The following APBB2 variants were observed in gnomAD, a reference collection of about 807,000 sequenced individuals.
APBB2 encodes the protein amyloid beta precursor protein binding family B member 2.
APBB2 carries 38 observed loss-of-function variants against 82.5 expected under a neutral mutation model. That is an observed-to-expected ratio of 0.46 (90% CI 0.36 to 0.60). The LOEUF is 0.60. Ranked by LOEUF, APBB2 falls within the 20% of genes least tolerant of loss-of-function variation. The pLI, the probability that APBB2 is intolerant of heterozygous loss-of-function variation, is 0.00. For synonymous variants in APBB2, 341 were observed against 368.2 expected (o/e 0.93, Z 0.85); for missense variants, 772 against 972.3 (o/e 0.79, Z 2.74).
chr4:40,918,701 ACTTC>A (rs528200967), intron 10 of APBB2, among the ~76,000 whole-genome samples: 52 of 142,316 alleles, frequency 3.7e-4, no homozygotes, highest in African/African-American at 5.3e-4. Flanking sequence ...CTTTCGGACG[ACTTC>A]CTTCCTTCCT....
At chr4:41,097,511 T>C (rs1743914354) in intron 3 of APBB2, among the ~76,000 whole-genome samples, 1 of 152,234 alleles carries the variant, frequency 6.6e-6, no homozygotes, top group Non-Finnish European at 1.5e-5. Context: ...AAAGTGATGC[T>C]GTAGGTAAAT....
intron 17 of APBB2, 122 bp downstream of exon 17, chr4:40,821,744 ATAAAG>A: frequency 2.8e-6 from 3 of 1,084,180 alleles, no homozygotes; most frequent in Non-Finnish European, 3.9e-6. Flanking sequence ...TGACGGCGTT[ATAAAG>A]TAAAGCATTA....
At chr4:41,083,721 T>C (rs1445623100) in intron 3 of APBB2, among the ~76,000 whole-genome samples, 1 of 147,600 alleles carries the variant, frequency 6.8e-6, no homozygotes, top group Non-Finnish European at 1.5e-5. Context: ...AAAAGTTTCA[T>C]TGCCATTTAT....
chr4:41,195,759 C>T, intron 1 of APBB2, among the ~76,000 whole-genome samples: 3 of 152,116 alleles, frequency 2.0e-5, no homozygotes, highest in Non-Finnish European at 2.9e-5. Context: ...CCTCACTGAT[C>T]CCATTCCCAC....
intron 12 of APBB2, among the ~76,000 whole-genome samples, chr4:40,854,763 T>C (rs1401288257): frequency 1.5e-5 from 2 of 133,842 alleles, no homozygotes; most frequent in Non-Finnish European, 3.1e-5. Context: ...CACTCCAGCC[T>C]GGGCGATAAG....
chr4:40,936,475 T>C lies in APBB2; in HGVS notation c.1045-1336A>G, dbSNP rs565887150. ...TTCCATTATGCTACCCAGGCTGGTC[T>C]TGAACTCCTGAGCTCAAGTGATCCT... On this transcript the variant is annotated intron_variant, in intron 7 of 17. Coordinates refer to ENST00000508593, the MANE Select transcript of APBB2 (RefSeq NM_004307.2). Among the ~76,000 whole-genome samples the C allele has an allele frequency of 1.3e-5, 2 of 152,334 alleles. 1 individual carries two copies. Among genetic ancestry groups the C allele is most frequent in the African/African-American group, 4.8e-5 (2 of 41,566 alleles).
intron 1 of APBB2, among the ~76,000 whole-genome samples, chr4:41,158,718 G>A (rs1291189555): frequency 1.3e-5 from 2 of 152,160 alleles, no homozygotes; most frequent in Non-Finnish European, 2.9e-5. Context: ...TCTTTTAGCA[G>A]GATTTTTTTT....
chr4:40,896,725 G>T (rs1773775334), intron 10 of APBB2, among the ~76,000 whole-genome samples: 1 of 152,122 alleles, frequency 6.6e-6, no homozygotes, highest in Non-Finnish European at 1.5e-5. Context: ...TGTCATTCTG[G>T]CAAAATTATT....
chr4:40,877,502 AG>A (rs749445857), intron 12 of APBB2, among the ~76,000 whole-genome samples: 8 of 152,192 alleles, frequency 5.3e-5, no homozygotes, highest in Admixed American at 2.0e-4. Flanking sequence ...CCAGGGTCAG[AG>A]GGGATCAGAT....
chr4:40,857,973 C>T (rs773571102), intron 12 of APBB2, among the ~76,000 whole-genome samples: 2 of 152,168 alleles, frequency 1.3e-5, no homozygotes, highest in Non-Finnish European at 2.9e-5. Context: ...TACAGATCAT[C>T]TGCCAATTTA....
chr4:41,169,938 T>G (rs987578413), intron 1 of APBB2, among the ~76,000 whole-genome samples: 1 of 152,172 alleles, frequency 6.6e-6, no homozygotes, highest in Non-Finnish European at 1.5e-5. Context: ...AGAAAAATGT[T>G]GAGTAGTTTC....
intron 2 of APBB2, among the ~76,000 whole-genome samples, chr4:41,116,292 G>T (rs1750952795): frequency 6.6e-6 from 1 of 152,116 alleles, no homozygotes; most frequent in African/African-American, 2.4e-5. Context: ...GGGAGAGGAA[G>T]ATCACACACC....
intron 2 of APBB2, among the ~76,000 whole-genome samples, chr4:41,113,570 T>C (rs1323457659): frequency 1.3e-5 from 2 of 152,188 alleles, no homozygotes; most frequent in African/African-American, 4.8e-5. Context: ...GATGACATGA[T>C]TGTGTATTTA....
chr4:41,014,252 T>G lies in APBB2; in HGVS notation c.166A>C (p.Thr56Pro). ...NELLNAEIKH[T>P]ETKNSTPPKC... is the part of the protein sequence containing the mutation. ...GGAGGTGTGCTGTTCTTGGTTTCTGTGTGTTTTATTTCAGCGTTCAACAGT... is the reference window on the plus strand; with the variant it reads ...GGAGGTGTGCTGTTCTTGGTTTCTGGGTGTTTTATTTCAGCGTTCAACAGT... Residue 56 changes from threonine (T) to proline (P), a missense_variant, in exon 6 of 18, where the codon ACA becomes CCA. Coordinates refer to ENST00000508593, the MANE Select transcript of APBB2 (RefSeq NM_004307.2). 6.2e-7 allele frequency: 1 copy of G among 1,614,204 alleles called. No individual in the cohort carries two copies.
intron 1 of APBB2, among the ~76,000 whole-genome samples, chr4:41,203,789 T>C (rs960915539): frequency 1.3e-5 from 2 of 152,186 alleles, no homozygotes; most frequent in African/African-American, 4.8e-5. Context: ...TCCAGCTCCA[T>C]CAATCCTCTC....
In APBB2 at chr4:40,816,266, TA is replaced by T; in HGVS notation, c.2113-8del. ...AGCACTTCTGATATCGTAACTGAAA[TA>T]AAACAAAACGTGTTTTAAGGTAATT... On this transcript the variant is annotated splice_polypyrimidine_tract_variant and splice_region_variant and intron_variant, in intron 17 of 17. Coordinates refer to ENST00000508593, the MANE Select transcript of APBB2 (RefSeq NM_004307.2). 6.2e-7 allele frequency: 1 copy of T among 1,614,156 alleles called. No individual in the cohort carries two copies. Among genetic ancestry groups the T allele is most frequent in the Non-Finnish European group, 8.5e-7 (1 of 1,180,014 alleles).
chr4:40,977,242 T>C (rs1324439048), intron 6 of APBB2, among the ~76,000 whole-genome samples: 1 of 152,072 alleles, frequency 6.6e-6, no homozygotes, highest in Non-Finnish European at 1.5e-5. Context: ...CATGGAAGCA[T>C]GTAGGTGTCT....
At chr4:41,212,975 C>T (rs887475920) in intron 1 of APBB2, among the ~76,000 whole-genome samples, 2 of 152,090 alleles carry the variant, frequency 1.3e-5, no homozygotes, top group African/African-American at 4.8e-5. Flanking sequence ...ATGAAGAAAT[C>T]CCCTTTCAAG....
At chr4:41,019,295 G>C (rs1810839241) in intron 5 of APBB2, among the ~76,000 whole-genome samples, 1 of 152,142 alleles carries the variant, frequency 6.6e-6, no homozygotes, top group Admixed American at 6.5e-5. Context: ...AAGAGTAACA[G>C]AACAGTAAGG....
Sources: allele counts gnomAD v4.1 joint callset (sites outside exome capture counted in the v4.1 genomes callset), GRCh38; gene constraint gnomAD v4.1.1; transcripts MANE v1.5; gene names NCBI Gene and HGNC (gene_info 2026-07-23, HGNC 2026-07-21).